RHCG: variants seen among roughly 807,000 people sequenced by gnomAD.
RHCG encodes the protein Rh family C glycoprotein.
RHCG carries 39 observed loss-of-function variants against 55.3 expected under a neutral mutation model. The observed-to-expected ratio is 0.70, with a 90% CI of 0.55 to 0.92. The LOEUF (loss-of-function observed/expected upper bound fraction) is 0.92, where lower values mean the gene tolerates loss of function less well. Among genes scored for constraint, RHCG ranks in the 40% least tolerant of loss-of-function variants. The probability of loss-of-function intolerance (pLI) is 0.00; values close to 1 mark genes in which losing one functional copy is unlikely to be tolerated. For missense variants in RHCG, 635 were observed against 627.9 expected, an observed-to-expected ratio of 1.01 and a Z score of -0.12; for synonymous variants, 250 against 246.8, an observed-to-expected ratio of 1.01 and a Z score of -0.12.
At position 89,477,801 on chromosome 15, in the gene RHCG, T is replaced by A. The variant is rs1480372611; in HGVS notation, c.975+36A>T. 5.0e-6 allele frequency: 8 copies of A among 1,612,760 alleles called. No individual in the cohort carries two copies. The highest frequency in any genetic ancestry group is 6.8e-6 in the Non-Finnish European group (8 of 1,179,296). On this transcript the variant is annotated intron_variant, in intron 6 of 10. Transcript: ENST00000268122. This position sits in a 1 kb window ranked among gnomAD's most constrained non-coding sequence, Gnocchi z 4.5. ...TGTCAGGAACACAAAGACCTCAGCA[T>A]TCTCTAGCCCCCAGCCCCTTGCCTG...
At position 89,477,242 on chromosome 15, in the gene RHCG, G is replaced by A; in HGVS notation, c.1113-36C>T. The A allele has an allele frequency of 6.2e-7, 1 of 1,611,754 alleles. No homozygotes were observed. The highest frequency in any genetic ancestry group is 8.5e-7 in the Non-Finnish European group (1 of 1,178,606). Reference sequence around the variant, plus strand: ...GACAGGGGGCAGGTCAGGGCCCCATGGAGAGGCCAAGTAACAGCTTGCTGC... The same window carrying A: ...GACAGGGGGCAGGTCAGGGCCCCATAGAGAGGCCAAGTAACAGCTTGCTGC... On this transcript the variant is annotated intron_variant, in intron 7 of 10. Coordinates refer to ENST00000268122, the MANE Select transcript of RHCG (RefSeq NM_016321.3). The surrounding 1 kb of genome is among the most constrained non-coding windows in gnomAD (Gnocchi z 4.5).
chr15:89,481,919 A>G (rs1440798994), intron 3 of RHCG, among the ~76,000 whole-genome samples: 1 of 152,158 alleles, frequency 6.6e-6, no homozygotes, highest in East Asian at 1.9e-4. Flanking sequence ...CTCCTGCCTC[A>G]GCCTCCAGAG....
At chr15:89,494,617 C>G (rs1193175389) in intron 1 of RHCG, among the ~76,000 whole-genome samples, 1 of 151,678 alleles carries the variant, frequency 6.6e-6, no homozygotes, top group Non-Finnish European at 1.5e-5. Context: ...GGGTCTCTCT[C>G]TCTCTCTCTC....
chr15:89,472,607 T>C lies in RHCG; in HGVS notation c.*24+104A>G, dbSNP rs573757138. On this transcript the variant is annotated intron_variant, in intron 10 of 10. Transcript: ENST00000268122. ...CAGGAGGGGTGGAAGCCCTCATTTCTTGATGTTTGCTTTTTGCCTCTTTGC... is the reference window on the plus strand; with the variant it reads ...CAGGAGGGGTGGAAGCCCTCATTTCCTGATGTTTGCTTTTTGCCTCTTTGC... 6.7e-6 allele frequency: 8 copies of C among 1,190,052 alleles called. No individual in the cohort carries two copies. In the East Asian group the frequency reaches 1.6e-4, roughly 23 times the overall value. The allele number at this position is 1,190,052 out of a possible 1,614,324, so 73.7% of individuals were successfully genotyped here. A position where few individuals can be genotyped will look rare whatever the true frequency, so the allele number is the denominator to read the frequency against.
rs956494398 is a variant in RHCG, at chr15:89,479,548, A to T, written c.671-60T>A. On this transcript the variant is annotated intron_variant, in intron 4 of 10. Transcript: ENST00000268122. The stretch of plus-strand genomic sequence containing the variant: ...GGAGAGGCATTAGATACAGCCCCAC[A>T]GCTCAGGCAGGCATCCTGTCCTTTA... 4 of 1,467,866 alleles carry T rather than the reference A, an allele frequency of 2.7e-6. No homozygotes were observed. The African/African-American group carries it at 5.6e-5, about 21-fold the overall frequency. 90.9% of individuals were successfully genotyped at this position (1,467,866 alleles called of 1,614,324 possible).
rs754808440 is a variant in RHCG at position 89,477,219 on chromosome 15, CAG to C, written c.1113-15_1113-14del. 6.2e-6 allele frequency: 10 copies of C among 1,613,742 alleles called. No homozygotes were observed. The highest frequency in any genetic ancestry group is 1.6e-4 in the Middle Eastern group (1 of 6,084). On this transcript the variant is annotated splice_polypyrimidine_tract_variant and intron_variant, in intron 7 of 10. Coordinates refer to ENST00000268122, the MANE Select transcript of RHCG (RefSeq NM_016321.3). This position sits in a 1 kb window ranked among gnomAD's most constrained non-coding sequence, Gnocchi z 4.5. ...GGAATGGACAAGCCTGGGGTGGAGA[CAG>C]GGGGCAGGTCAGGGCCCCATGGAGA...
Position 89,477,761 on chromosome 15 carries a change from G to A in RHCG, c.975+76C>T. 6.2e-7 allele frequency: 1 copy of A among 1,604,932 alleles called. No individual in the cohort carries two copies. Among genetic ancestry groups the A allele is most frequent in the Non-Finnish European group, 8.5e-7 (1 of 1,173,604 alleles). Reference sequence around the variant, plus strand: ...CTCTAGCCCTCAGCCCCCTCCCTAGGAACCCTCAGCTCACTGTCAGGAACA... The same window carrying A: ...CTCTAGCCCTCAGCCCCCTCCCTAGAAACCCTCAGCTCACTGTCAGGAACA... On this transcript the variant is annotated intron_variant, in intron 6 of 10. Coordinates refer to ENST00000268122, the MANE Select transcript of RHCG (RefSeq NM_016321.3). The surrounding 1 kb of genome is among the most constrained non-coding windows in gnomAD (Gnocchi z 4.5).
intron 5 of RHCG, among the ~76,000 whole-genome samples, chr15:89,479,067 T>G (rs1444842047): frequency 8.1e-6 from 1 of 123,712 alleles, no homozygotes; most frequent in Admixed American, 7.7e-5. Context: ...GCCACTGCAC[T>G]CCAGCCTGGG....
At chr15:89,480,228 A>G (rs1961239514) in intron 4 of RHCG, 33 bp downstream of exon 4, 8 of 1,612,962 alleles carry the variant, frequency 5.0e-6, no homozygotes, top group African/African-American at 2.7e-5. Context: ...TTCACCCATC[A>G]TGGTGGCCCT....
intron 10 of RHCG, among the ~76,000 whole-genome samples, chr15:89,472,482 G>T (rs1961056673): frequency 6.6e-6 from 1 of 152,162 alleles, no homozygotes; most frequent in South Asian, 2.1e-4. Flanking sequence ...ATTCCTTCCA[G>T]GCCCTTGTGC....
intron 5 of RHCG, 51 bp from the exon 6 acceptor site, chr15:89,478,025 C>T (rs1961189741): frequency 1.3e-6 from 2 of 1,557,822 alleles, no homozygotes; most frequent in South Asian, 1.2e-5. Context: ...CCCTGGAGCA[C>T]CGGGCCTGGA....
intron 9 of RHCG, 25 bp downstream of exon 9, chr15:89,476,729 CA>C: frequency 6.2e-7 from 1 of 1,605,168 alleles, no homozygotes; most frequent in South Asian, 1.1e-5. Context: ...TGCCCTCCTT[CA>C]GGGGGCCAAG....
At chr15:89,476,917 G>A in intron 8 of RHCG, 89 bp from the exon 9 acceptor site, 2 of 1,533,422 alleles carry the variant, frequency 1.3e-6, no homozygotes, top group Non-Finnish European at 1.8e-6. Context: ...AATCCTCCTG[G>A]GGCCCTTGGG....
chr15:89,491,394 A>G (rs574207050), intron 1 of RHCG, among the ~76,000 whole-genome samples: 2 of 152,116 alleles, frequency 1.3e-5, no homozygotes, highest in South Asian at 2.1e-4. Context: ...CCATCTCTTT[A>G]TCTGTCAAAC....
Position 89,488,596 on chromosome 15 carries a change from A to G in RHCG, c.185-1611T>C, listed in dbSNP as rs116049205. 2.3e-3 allele frequency among the ~76,000 whole-genome samples: 356 copies of G among 152,334 alleles called. 1 individual carries two copies. The highest frequency in any genetic ancestry group is 8.1e-3 in the African/African-American group (337 of 41,578). On this transcript the variant is annotated intron_variant, in intron 1 of 10. Transcript: ENST00000268122. ...GCAGAACCCAATCTAATCATGAGAA[A>G]ACATCAGACAAACACAAAATGAGGA...
chr15:89,480,240 G>A (rs374040260), intron 4 of RHCG, 21 bp downstream of exon 4: 30 of 1,613,242 alleles, frequency 1.9e-5, no homozygotes, highest in East Asian at 2.2e-5. Flanking sequence ...GGTGGCCCTC[G>A]GTCATGATGG....
intron 9 of RHCG, among the ~76,000 whole-genome samples, chr15:89,475,012 GCCTT>G (rs1445881238): frequency 2.4e-4 from 19 of 79,234 alleles, no homozygotes; most frequent in Admixed American, 1.3e-3. Flanking sequence ...CTTCCTGCCC[GCCTT>G]CCTTCCTTCC....
chr15:89,492,338 G>A (rs373458578), intron 1 of RHCG, among the ~76,000 whole-genome samples: 1 of 152,100 alleles, frequency 6.6e-6, no homozygotes, highest in Non-Finnish European at 1.5e-5. Context: ...CACACTAATG[G>A]GCCTCTGCAG....
chr15:89,480,240 G>T, intron 4 of RHCG, 21 bp downstream of exon 4: 2 of 1,613,360 alleles, frequency 1.2e-6, no homozygotes, highest in South Asian at 2.2e-5. Flanking sequence ...GGTGGCCCTC[G>T]GTCATGATGG....
Sources: gnomAD v4.1 joint callset for allele counts (sites outside exome capture counted in the v4.1 genomes callset) on GRCh38, gnomAD v4.1.1 for gene constraint, Gnocchi (gnomAD v3.1) non-coding constraint, MANE v1.5 for transcripts, NCBI Gene and HGNC (gene_info 2026-07-23, HGNC 2026-07-21) for gene names.